ZNF804B: variants seen among roughly 807,000 people sequenced by gnomAD.
ZNF804B encodes zinc finger protein 804B.
ZNF804B carries 80 observed loss-of-function variants against 101.4 expected under a neutral mutation model. That is an observed-to-expected ratio of 0.79 (90% CI 0.66 to 0.95). ZNF804B has a LOEUF of 0.95. Ranked by LOEUF, ZNF804B falls within the 40% of genes least tolerant of loss-of-function variation. The pLI is 0.00. For missense variants in ZNF804B, 1,673 were observed against 1,561.9 expected, an observed-to-expected ratio of 1.07 and a Z score of -1.20; for synonymous variants, 622 against 558.8, an observed-to-expected ratio of 1.11 and a Z score of -1.59.
intron 2 of ZNF804B, among the ~76,000 whole-genome samples, chr7:89,283,939 A>G (rs1297874740): frequency 6.6e-6 from 1 of 152,170 alleles, no homozygotes. Context: ...AAAGGTTAAG[A>G]AAAAGTTAGA....
chr7:88,877,674 G>C (rs1319551863), intron 1 of ZNF804B, among the ~76,000 whole-genome samples: 1 of 152,124 alleles, frequency 6.6e-6, no homozygotes, highest in African/African-American at 2.4e-5. Flanking sequence ...CTACCTCATA[G>C]AGTGAGTAGA....
At chr7:89,067,539 C>T (rs568314669) in intron 1 of ZNF804B, among the ~76,000 whole-genome samples, 2 of 152,276 alleles carry the variant, frequency 1.3e-5, no homozygotes, top group African/African-American at 4.8e-5. Flanking sequence ...GCCCAGCGGA[C>T]ACAGCAAACA....
chr7:89,212,919 C>G (rs1423710014), intron 1 of ZNF804B, among the ~76,000 whole-genome samples: 1 of 152,088 alleles, frequency 6.6e-6, no homozygotes, highest in Non-Finnish European at 1.5e-5. Flanking sequence ...ATATTCTGAG[C>G]CCCATCACCT....
At chr7:89,048,137 A>AATGAAAATGTTGAATCAGCT in intron 1 of ZNF804B, among the ~76,000 whole-genome samples, 1 of 149,950 alleles carries the variant, frequency 6.7e-6, no homozygotes, top group African/African-American at 2.5e-5. Context: ...CCATTGTGTC[A>AATGAAAATGTTGAATCAGCT]TTCTTATGCC....
intron 1 of ZNF804B, among the ~76,000 whole-genome samples, chr7:89,053,247 C>T (rs937523034): frequency 6.6e-6 from 1 of 152,046 alleles, no homozygotes; most frequent in Non-Finnish European, 1.5e-5. Flanking sequence ...ATTGCTTTTA[C>T]CTCCTTGTTG....
intron 1 of ZNF804B, among the ~76,000 whole-genome samples, chr7:89,014,441 C>T (rs768168221): frequency 1.5e-4 from 23 of 152,110 alleles, no homozygotes; most frequent in Non-Finnish European, 2.6e-4. Flanking sequence ...CTCAGCCTCC[C>T]GAGTTGCTGA....
intron 1 of ZNF804B, among the ~76,000 whole-genome samples, chr7:88,873,485 T>A (rs1010747439): frequency 2.0e-5 from 3 of 152,212 alleles, no homozygotes; most frequent in African/African-American, 7.2e-5. Flanking sequence ...TAGATCCCAT[T>A]TGTCAATTTT....
chr7:89,204,194 GC>G (rs1432740485), intron 1 of ZNF804B, among the ~76,000 whole-genome samples: 15 of 152,298 alleles, frequency 9.8e-5, no homozygotes, highest in Admixed American at 2.0e-4. Flanking sequence ...AATGTCAGAT[GC>G]TATTAATTGC....
At chr7:88,932,480 C>A (rs966292557) in intron 1 of ZNF804B, among the ~76,000 whole-genome samples, 1 of 151,386 alleles carries the variant, frequency 6.6e-6, no homozygotes, top group African/African-American at 2.4e-5. Flanking sequence ...AAAAGATAAA[C>A]AAAATTCATT....
At chr7:89,035,928 TA>T (rs1432587160) in intron 1 of ZNF804B, among the ~76,000 whole-genome samples, 1 of 143,880 alleles carries the variant, frequency 7.0e-6, no homozygotes, top group Non-Finnish European at 1.5e-5. Context: ...TATAATATAT[TA>T]ATATATTATA....
intron 1 of ZNF804B, among the ~76,000 whole-genome samples, chr7:89,085,717 G>A (rs904888278): frequency 3.6e-4 from 54 of 151,974 alleles, no homozygotes; most frequent in African/African-American, 1.2e-3. Flanking sequence ...GTAAGTAATT[G>A]TCTTCTGATT....
At chr7:89,254,438 T>C (rs956500542) in intron 2 of ZNF804B, among the ~76,000 whole-genome samples, 1 of 151,184 alleles carries the variant, frequency 6.6e-6, no homozygotes, top group Admixed American at 6.6e-5. Flanking sequence ...TACAATTTTA[T>C]GGAAGGATAT....
intron 1 of ZNF804B, among the ~76,000 whole-genome samples, chr7:88,971,467 G>A (rs1018284473): frequency 4.4e-4 from 66 of 151,550 alleles, no homozygotes; most frequent in African/African-American, 1.6e-3. Context: ...TATATATTCT[G>A]TCACTCTTCT....
At position 89,318,765 on chromosome 7, in the gene ZNF804B, G is replaced by C. The variant is rs116081812; in HGVS notation, c.250-8579G>C. Among the ~76,000 whole-genome samples the C allele has an allele frequency of 3.5e-3, 538 of 152,176 alleles. 3 individuals are homozygous for C. The highest frequency in any genetic ancestry group is 0.012 in the African/African-American group (514 of 41,508). ...TGACAGAGCAAGACTCCATTGCTGA[G>C]ACCAGCTCATTCGGAGAGACTCTAA... On this transcript the variant is annotated intron_variant, in intron 2 of 3. Transcript: ENST00000333190.
At chr7:89,278,587 G>A (rs1489119106) in intron 2 of ZNF804B, among the ~76,000 whole-genome samples, 1 of 151,970 alleles carries the variant, frequency 6.6e-6, no homozygotes, top group East Asian at 1.9e-4. Flanking sequence ...AGTTTTCCCA[G>A]CACCATTTAT....
intron 1 of ZNF804B, among the ~76,000 whole-genome samples, chr7:89,022,091 A>T (rs12674068): frequency 1.3e-5 from 2 of 151,390 alleles, no homozygotes; most frequent in Non-Finnish European, 3.0e-5. Context: ...TCTTGACTTC[A>T]GGTTGATCTC....
chr7:89,186,663 C>T (rs555220426), intron 1 of ZNF804B, among the ~76,000 whole-genome samples: 82 of 151,224 alleles, frequency 5.4e-4, no homozygotes, highest in Admixed American at 8.6e-4. Context: ...CAACTTTGTT[C>T]GTGTCTGAGG....
intron 1 of ZNF804B, among the ~76,000 whole-genome samples, chr7:89,175,419 C>G (rs1791302979): frequency 6.6e-6 from 1 of 151,932 alleles, no homozygotes; most frequent in South Asian, 2.1e-4. Context: ...GTGCTCCATT[C>G]TATTTCATTG....
At chr7:89,033,125 A>C (rs960234800) in intron 1 of ZNF804B, among the ~76,000 whole-genome samples, 2 of 149,254 alleles carry the variant, frequency 1.3e-5, no homozygotes, top group Non-Finnish European at 3.0e-5. Context: ...CACCACTTCC[A>C]CTCCTACTCC....
Sources: allele counts gnomAD v4.1 joint callset (sites outside exome capture counted in the v4.1 genomes callset), GRCh38; gene constraint gnomAD v4.1.1; transcripts MANE v1.5; gene names NCBI Gene and HGNC (gene_info 2026-07-23, HGNC 2026-07-21).